PLCXD2: variants seen among roughly 807,000 people sequenced by gnomAD.
PLCXD2 encodes PI-PLC X domain-containing protein 2.
A neutral mutation model predicts 28.6 loss-of-function variants in PLCXD2; 21 were observed. The ratio of observed to expected loss-of-function variants is 0.73; its 90% confidence interval spans 0.52 to 1.06. The LOEUF (loss-of-function observed/expected upper bound fraction) is 1.06, where lower values mean the gene tolerates loss of function less well. PLCXD2 is among the 50% of genes least tolerant of loss of function. PLCXD2 has a pLI of 0.00. For synonymous variants in PLCXD2, 140 were observed against 150.1 expected (o/e 0.93, Z 0.49); for missense variants, 369 against 376.7 (o/e 0.98, Z 0.17).
intron 1 of PLCXD2, among the ~76,000 whole-genome samples, chr3:111,675,761 G>A (rs549304252): frequency 6.6e-6 from 1 of 151,992 alleles, no homozygotes; most frequent in South Asian, 2.1e-4. Context: ...CAAAGGCAAT[G>A]AATTAAAAGT....
intron 1 of PLCXD2, among the ~76,000 whole-genome samples, chr3:111,705,730 G>C (rs1941109041): frequency 6.6e-6 from 1 of 151,706 alleles, no homozygotes; most frequent in Non-Finnish European, 1.5e-5. Context: ...CCTCATTGTG[G>C]TTTTGATTTG....
chr3:111,686,468 T>G (rs78845436), intron 1 of PLCXD2, among the ~76,000 whole-genome samples: 3,400 of 152,298 alleles, frequency 0.022, 77 homozygotes, highest in South Asian at 0.065. Context: ...AGTTTGATGG[T>G]TATTATGAAT....
chr3:111,711,278 C>T (rs1431693280), intron 2 of PLCXD2, among the ~76,000 whole-genome samples: 1 of 152,154 alleles, frequency 6.6e-6, no homozygotes, highest in Non-Finnish European at 1.5e-5. Context: ...GTGGCACACG[C>T]CTGTAATCCC....
At chr3:111,712,081 A>G (rs540756907) in intron 2 of PLCXD2, among the ~76,000 whole-genome samples, 9 of 152,212 alleles carry the variant, frequency 5.9e-5, no homozygotes, top group African/African-American at 1.9e-4. Flanking sequence ...ACAGGCCCTG[A>G]GTGACAGTTG....
At chr3:111,690,373 A>T (rs1300551448) in intron 1 of PLCXD2, among the ~76,000 whole-genome samples, 4 of 147,944 alleles carry the variant, frequency 2.7e-5, no homozygotes, top group African/African-American at 7.5e-5. Context: ...AACAAGTTAC[A>T]TTTTTTTTTT....
At chr3:111,687,955 G>A (rs1034119486) in intron 1 of PLCXD2, among the ~76,000 whole-genome samples, 3 of 152,154 alleles carry the variant, frequency 2.0e-5, no homozygotes, top group African/African-American at 4.8e-5. Context: ...TTACAGGCAT[G>A]AGCCACTGTG....
intron 1 of PLCXD2, among the ~76,000 whole-genome samples, chr3:111,701,992 A>G (rs548799383): frequency 8.7e-4 from 132 of 151,996 alleles, no homozygotes; most frequent in Non-Finnish European, 9.1e-4. Flanking sequence ...CCATAGCAGG[A>G]AGGTGGGAAT....
chr3:111,679,960 C>T (rs1940687646), intron 1 of PLCXD2, among the ~76,000 whole-genome samples: 1 of 152,206 alleles, frequency 6.6e-6, no homozygotes, highest in Admixed American at 6.5e-5. Flanking sequence ...CTGACCTGAC[C>T]TGGTCTCCAG....
intron 1 of PLCXD2, among the ~76,000 whole-genome samples, chr3:111,687,729 C>T (rs1006325780): frequency 6.6e-6 from 1 of 150,808 alleles, no homozygotes; most frequent in Non-Finnish European, 1.5e-5. Context: ...CTCTGTCACC[C>T]AAGCTGGAGT....
chr3:111,693,782 A>G (rs1940919997), intron 1 of PLCXD2, among the ~76,000 whole-genome samples: 1 of 152,326 alleles, frequency 6.6e-6, no homozygotes, highest in East Asian at 1.9e-4. Flanking sequence ...ATCAGAGAGA[A>G]AGCTTTCTCT....
intron 1 of PLCXD2, among the ~76,000 whole-genome samples, chr3:111,675,683 A>G (rs1215696500): frequency 6.6e-6 from 1 of 152,202 alleles, no homozygotes; most frequent in East Asian, 1.9e-4. Flanking sequence ...TTCTAAGAAT[A>G]TTATCCTTCT....
chr3:111,712,733 G>T (rs1213416696), intron 2 of PLCXD2, among the ~76,000 whole-genome samples: 1 of 152,164 alleles, frequency 6.6e-6, no homozygotes, highest in Non-Finnish European at 1.5e-5. Flanking sequence ...ACCCTCTGTG[G>T]CCAACTATCC....
chr3:111,696,379 G>T lies in PLCXD2; in HGVS notation c.164-11547G>T, dbSNP rs756109086. Among the ~76,000 whole-genome samples, 5 of 152,158 alleles carry T rather than the reference G, an allele frequency of 3.3e-5. No homozygotes were observed. In the East Asian group the frequency reaches 9.7e-4, roughly 29 times the overall value. On this transcript the variant is annotated intron_variant, in intron 1 of 4. Coordinates refer to ENST00000477665, the MANE Select transcript of PLCXD2 (RefSeq NM_001185106.1). ...GTTTGGGCACCTTTAATATCTTTTT[G>T]CTGTTGCTGGGCAGGGAAGAGTCTT...
At chr3:111,697,208 G>C (rs6764771) in intron 1 of PLCXD2, among the ~76,000 whole-genome samples, 2,625 of 152,222 alleles carry the variant, frequency 0.017, 41 homozygotes, top group Non-Finnish European at 0.025. Flanking sequence ...CATTTAAGTT[G>C]CAGGTACACC....
intron 1 of PLCXD2, among the ~76,000 whole-genome samples, chr3:111,694,130 C>A (rs574817259): frequency 1.3e-5 from 2 of 152,268 alleles, no homozygotes; most frequent in Admixed American, 1.3e-4. Flanking sequence ...AGCCCTGCAG[C>A]CCCCTCTGAT....
chr3:111,693,509 T>C (rs1442527585), intron 1 of PLCXD2, among the ~76,000 whole-genome samples: 1 of 152,198 alleles, frequency 6.6e-6, no homozygotes, highest in East Asian at 1.9e-4. Context: ...GTCACCTATT[T>C]GTGTGGATTA....
chr3:111,725,470 C>A (rs570499697), intron 3 of PLCXD2: 61 of 395,952 alleles, frequency 1.5e-4, no homozygotes, highest in East Asian at 1.2e-3. Flanking sequence ...CCAAACAGCT[C>A]ATTACTACCC....
At chr3:111,708,429 A>G (rs1427938518) in intron 2 of PLCXD2, 43 bp downstream of exon 2, 1 of 1,539,430 alleles carries the variant, frequency 6.5e-7, no homozygotes. Context: ...CAAGAATTTA[A>G]CTCTTCCTGC....
chr3:111,721,040 A>G, intron 3 of PLCXD2: 1 of 390,354 alleles, frequency 2.6e-6, no homozygotes, highest in Middle Eastern at 6.4e-4. Context: ...ATAAAATTAC[A>G]GGGCTATTAA....
Sources: gnomAD v4.1 joint callset for allele counts (sites outside exome capture counted in the v4.1 genomes callset) on GRCh38, gnomAD v4.1.1 for gene constraint, MANE v1.5 for transcripts, NCBI Gene and HGNC (gene_info 2026-07-23, HGNC 2026-07-21) for gene names.